CENPF: variants seen among roughly 807,000 people sequenced by gnomAD.
The protein encoded by CENPF is AH antigen.
A neutral mutation model predicts 307.3 loss-of-function variants in CENPF; 214 were observed. The observed-to-expected ratio is 0.70, with a 90% confidence interval of 0.62 to 0.78. The LOEUF is 0.78. Among genes scored for constraint, CENPF ranks in the 30% least tolerant of loss-of-function variants. The pLI, the probability that CENPF is intolerant of heterozygous loss-of-function variation, is 0.00. For missense variants in CENPF, 3,401 were observed against 3,483.9 expected (o/e 0.98, Z 0.60); for synonymous variants, 1,259 against 1,270.6 (o/e 0.99, Z 0.19).
At chr1:214,605,715 G>T in intron 1 of CENPF, 3 of 1,593,090 alleles carry the variant, frequency 1.9e-6, no homozygotes, top group Non-Finnish European at 1.7e-6. Context: ...ATGAAGCGAC[G>T]CAGGCCCTCC....
rs1558193420 is a variant in CENPF at position 214,658,850 on chromosome 1, G to T, written c.8963G>T (p.Gly2988Val). The T allele has an allele frequency of 7.4e-6, 12 of 1,612,668 alleles. No homozygotes were observed. In the South Asian group the frequency reaches 1.3e-4, roughly 18 times the overall value. ...PEGLPEVVKK[G>V]FADIPTGKTS... The stretch of plus-strand genomic sequence containing the variant: ...TGACAGTTATTTTTTTTGCCCTTAG[G>T]GTTTGCTGACATCCCGACAGGAAAG... The change falls in exon 19 of 20, where the codon GGG (glycine) becomes GTG (valine). Residue 2988 changes from glycine (G) to valine (V), a missense_variant and splice_region_variant. By Grantham distance (109) the Gly-to-Val change is moderately radical. Coordinates refer to ENST00000366955, the MANE Select transcript of CENPF (RefSeq NM_016343.4).
rs1658102310 is a variant in CENPF, at chr1:214,641,204, A to G, written c.2866A>G (p.Lys956Glu). 1 of 1,609,196 alleles carries G rather than the reference A, an allele frequency of 6.2e-7. No homozygotes were observed. The highest frequency in any genetic ancestry group is 8.5e-7 in the Non-Finnish European group (1 of 1,178,778). Residue 956 changes from lysine (K) to glutamate (E), a missense_variant, in exon 12 of 20, where the codon AAA becomes GAA. Lys to Glu is a moderately conservative substitution (Grantham distance 56). Coordinates refer to ENST00000366955, the MANE Select transcript of CENPF (RefSeq NM_016343.4). ...LLSETLSLEK[K>E]EMSSIISLNK... The stretch of plus-strand genomic sequence containing the variant: ...ATCCGAAACCCTAAGCTTGGAGAAG[A>G]AAGAAATGAGTTCCATCATTTCTCT...
intron 10 of CENPF, among the ~76,000 whole-genome samples, chr1:214,634,224 G>A (rs1305948496): frequency 6.6e-6 from 1 of 152,198 alleles, no homozygotes; most frequent in African/African-American, 2.4e-5. Context: ...CTAGCACCGG[G>A]CCTGGGGATG....
chr1:214,657,519 C>T, intron 18 of CENPF, 110 bp downstream of exon 18: 1 of 768,692 alleles, frequency 1.3e-6, no homozygotes, highest in East Asian at 2.6e-5. Context: ...GTGCAATAAT[C>T]TCATTGACGT....
Position 214,642,123 on chromosome 1 carries a change from A to G in CENPF, c.3785A>G (p.Lys1262Arg). 6.2e-7 allele frequency: 1 copy of G among 1,613,794 alleles called. No homozygotes were observed. Among genetic ancestry groups the G allele is most frequent in the South Asian group, 1.1e-5 (1 of 90,944 alleles). The change falls in exon 12 of 20, where the codon AAA (lysine) becomes AGA (arginine). Residue 1262 changes from lysine to arginine, a missense_variant. By Grantham distance (26) the Lys-to-Arg change is conservative (BLOSUM62 2). Coordinates refer to ENST00000366955, the MANE Select transcript of CENPF (RefSeq NM_016343.4). The part of the protein sequence containing the change: ...DMQSQEISGL[K>R]DCEIDAEEKY... ...CAGTCACAAGAAATTAGTGGCCTTAAAGACTGTGAAATAGATGCGGAAGAA... is the reference window on the plus strand; with the variant it reads ...CAGTCACAAGAAATTAGTGGCCTTAGAGACTGTGAAATAGATGCGGAAGAA...
chr1:214,655,048 C>A, intron 16 of CENPF, 193 bp from the exon 17 acceptor site: 2 of 379,312 alleles, frequency 5.3e-6, no homozygotes, highest in Middle Eastern at 7.0e-4. Flanking sequence ...AATGACAAAA[C>A]CACATTGTCA....
Position 214,613,831 on chromosome 1 carries a change from A to C in CENPF, c.77A>C (p.Gln26Pro). The C allele has an allele frequency of 1.2e-6, 2 of 1,614,018 alleles. No homozygotes were observed. The highest frequency in any genetic ancestry group is 1.7e-6 in the Non-Finnish European group (2 of 1,179,948). The change falls in exon 2 of 20, where the codon CAG becomes CCG. Residue 26 changes from glutamine to proline, a missense_variant. Physicochemically the swap from Gln to Pro is moderately conservative, Grantham distance 76. Coordinates refer to ENST00000366955, the MANE Select transcript of CENPF (RefSeq NM_016343.4). ...ALQKIQELEGQLDKLKKEKQQ... is the reference protein window; with the variant it reads ...ALQKIQELEGPLDKLKKEKQQ... The stretch of plus-strand genomic sequence containing the variant: ...CAGAAAATTCAAGAGCTTGAAGGAC[A>C]GCTTGACAAACTGAAGAAGGAAAAG...
At position 214,640,672 on chromosome 1, in the gene CENPF, A is replaced by G; in HGVS notation, c.2334A>G (p.Glu778=). 6.2e-7 allele frequency: 1 copy of G among 1,614,044 alleles called. No individual in the cohort carries two copies. Among genetic ancestry groups the G allele is most frequent in the Non-Finnish European group, 8.5e-7 (1 of 1,179,988 alleles). ...KSKDASLVTN[E]DHQRSLLAFD... ...AAGATGCTTCTCTGGTGACAAATGA[A>G]GATCATCAGAGAAGTCTTTTGGCTT... is the stretch of plus-strand genomic sequence containing the variant. Residue 778 remains glutamate, a synonymous_variant, in exon 12 of 20, where the codon GAA becomes GAG. Coordinates refer to ENST00000366955, the MANE Select transcript of CENPF (RefSeq NM_016343.4).
rs1472359061 is a variant in CENPF at position 214,644,584 on chromosome 1, G to C, written c.5014G>C (p.Asp1672His). The C allele has an allele frequency of 6.2e-7, 1 of 1,608,130 alleles. No homozygotes were observed. The highest frequency in any genetic ancestry group is 8.5e-7 in the Non-Finnish European group (1 of 1,176,596). Residue 1672 changes from aspartate (D) to histidine (H), a missense_variant, in exon 13 of 20, where the codon GAC becomes CAC. Transcript: ENST00000366955. ...TATTCAAGGCCGAAATGAGAGCTGT[G>C]ACATATCAAAAGAACATACTTCAGA... ...DAIQGRNESCDISKEHTSETT... is the reference protein window; with the variant it reads ...DAIQGRNESCHISKEHTSETT...
intron 13 of CENPF, chr1:214,648,020 T>A (rs1268844496): frequency 2.1e-6 from 1 of 482,330 alleles, no homozygotes; most frequent in Non-Finnish European, 4.2e-6. Context: ...TAAAGAAAAA[T>A]TAAGTTTTGG....
rs536687766 is a variant in CENPF, at chr1:214,628,844, G to C, written c.1069-202G>C. On this transcript the variant is annotated intron_variant, in intron 7 of 19. Coordinates refer to ENST00000366955, the MANE Select transcript of CENPF (RefSeq NM_016343.4). Reference sequence around the variant, plus strand: ...CATGCAACAAAATGTTAGATGAATCGTTAGACATGCCGATCTTTTTTTTCA... The same window carrying C: ...CATGCAACAAAATGTTAGATGAATCCTTAGACATGCCGATCTTTTTTTTCA... Among the ~76,000 whole-genome samples, 121 of 152,226 alleles carry C rather than the reference G, an allele frequency of 7.9e-4. 1 individual carries two copies. In the South Asian group the frequency reaches 0.024, roughly 30 times the overall value.
At chr1:214,612,410 G>C (rs889529598) in intron 1 of CENPF, among the ~76,000 whole-genome samples, 1 of 152,162 alleles carries the variant, frequency 6.6e-6, no homozygotes, top group Non-Finnish European at 1.5e-5. Context: ...GTTGATCAAG[G>C]ATATTGGCTT....
chr1:214,613,600 T>C, intron 1 of CENPF, 114 bp from the exon 2 acceptor site: 1 of 690,374 alleles, frequency 1.4e-6, no homozygotes, highest in East Asian at 2.8e-5. Flanking sequence ...TTGTTATCTT[T>C]TGAAATGTGG....
Position 214,642,483 on chromosome 1 carries a change from C to A in CENPF, c.4145C>A (p.Ala1382Asp). 4 of 1,607,762 alleles carry A rather than the reference C, an allele frequency of 2.5e-6. No homozygotes were observed. Among genetic ancestry groups the A allele is most frequent in the Non-Finnish European group, 3.4e-6 (4 of 1,176,918 alleles). ...AATGAACAGCACCCTGTGTCTTTGG[C>A]TCCATTGGACGAGAGTAATTCCTAC... is the stretch of plus-strand genomic sequence containing the variant. Reference protein sequence around the residue: ...QPNEQHPVSLAPLDESNSYEH... With the variant: ...QPNEQHPVSLDPLDESNSYEH... Residue 1382 changes from alanine (A) to aspartate (D), a missense_variant, in exon 12 of 20, where the codon GCT becomes GAT. By Grantham distance (126) the Ala-to-Asp change is moderately radical. Transcript: ENST00000366955.
chr1:214,637,465 A>ATT (rs371394971), intron 10 of CENPF, among the ~76,000 whole-genome samples: 29 of 143,448 alleles, frequency 2.0e-4, no homozygotes, highest in South Asian at 6.7e-4. Flanking sequence ...ATGTGCTGAG[A>ATT]TTTTTTTTTT....
chr1:214,651,945 G>GTT, intron 15 of CENPF, 59 bp downstream of exon 15: 2 of 1,387,192 alleles, frequency 1.4e-6, no homozygotes, highest in South Asian at 1.6e-5. Context: ...TCATGGTAAG[G>GTT]CTTTTTTTTT....
At position 214,641,330 on chromosome 1, in the gene CENPF, G is replaced by C; in HGVS notation, c.2992G>C (p.Glu998Gln). 6.2e-7 allele frequency: 1 copy of C among 1,612,416 alleles called. No individual in the cohort carries two copies. The highest frequency in any genetic ancestry group is 8.5e-7 in the Non-Finnish European group (1 of 1,179,614). The change falls in exon 12 of 20, where the codon GAG becomes CAG. Residue 998 changes from glutamate to glutamine, a missense_variant. By Grantham distance (29) the Glu-to-Gln change is conservative. Transcript: ENST00000366955. Reference sequence around the variant, plus strand: ...GAAGATGAACTTAATCCAGAAAAGTGAGAGTTTTGCAAACTATATAGATGA... The same window carrying C: ...GAAGATGAACTTAATCCAGAAAAGTCAGAGTTTTGCAAACTATATAGATGA... ...QEKMNLIQKSESFANYIDERE... is the reference protein window; with the variant it reads ...QEKMNLIQKSQSFANYIDERE...
At chr1:214,634,403 T>C (rs1657900657) in intron 10 of CENPF, among the ~76,000 whole-genome samples, 1 of 152,142 alleles carries the variant, frequency 6.6e-6, no homozygotes, top group South Asian at 2.1e-4. Flanking sequence ...GGGAAAATGG[T>C]AGTGGCTTTA....
In CENPF at chr1:214,640,597, C is replaced by T; in HGVS notation, c.2259C>T (p.Tyr753=). The T allele has an allele frequency of 6.2e-7, 1 of 1,614,080 alleles. No homozygotes were observed. The highest frequency in any genetic ancestry group is 2.2e-5 in the East Asian group (1 of 44,878). The change falls in exon 12 of 20, where the codon TAC becomes TAT. Residue 753 remains tyrosine, a synonymous_variant. Coordinates refer to ENST00000366955, the MANE Select transcript of CENPF (RefSeq NM_016343.4). ...SNEIMDKDRC[Y]QDLHAEYESL... is the part of the protein sequence containing the mutation. ...AAATAATGGACAAAGACCGGTGTTA[C>T]CAAGACTTGCATGCCGAATATGAGA...
Sources: gnomAD v4.1 joint callset for allele counts (sites outside exome capture counted in the v4.1 genomes callset) on GRCh38, gnomAD v4.1.1 for gene constraint, MANE v1.5 for transcripts, NCBI Gene and HGNC (gene_info 2026-07-23, HGNC 2026-07-21) for gene names.